ZNF33B: variants seen among roughly 807,000 people sequenced by gnomAD.
ZNF33B encodes the protein zinc finger protein 33B.
ZNF33B carries 29 observed loss-of-function variants against 45.8 expected under a neutral mutation model. The ratio of observed to expected loss-of-function variants is 0.63; its 90% CI spans 0.47 to 0.86. ZNF33B has a LOEUF of 0.86. ZNF33B is among the 40% of genes least tolerant of loss of function. The pLI is 0.00. For synonymous variants in ZNF33B, 305 were observed against 307.8 expected (o/e 0.99, Z 0.10); for missense variants, 831 against 909.9 (o/e 0.91, Z 1.12).
intron 4 of ZNF33B, among the ~76,000 whole-genome samples, chr10:42,618,255 C>A (rs1432847433): frequency 1.2e-4 from 18 of 152,180 alleles, no homozygotes; most frequent in Admixed American, 5.9e-4. Context: ...TGAGATTCAT[C>A]CATAATGTTA....
rs1424230674 is a variant in ZNF33B, at chr10:42,594,607, T to A, written c.343A>T (p.Thr115Ser). ...EVVFINNEML[T>S]KEQGNVIGIP... ...CCTATTACATTACCTTGTTCCTTAGTCAGCATTTCATTATTGATGAATACA... is the reference window on the plus strand; with the variant it reads ...CCTATTACATTACCTTGTTCCTTAGACAGCATTTCATTATTGATGAATACA... The change falls in exon 5 of 5, where the codon ACT becomes TCT. Residue 115 changes from threonine (T) to serine (S), a missense_variant. Physicochemically the swap from Thr to Ser is moderately conservative, Grantham distance 58. Coordinates refer to ENST00000359467, the MANE Select transcript of ZNF33B (RefSeq NM_006955.3). The A allele has an allele frequency of 6.2e-7, 1 of 1,610,856 alleles. No individual in the cohort carries two copies. Among genetic ancestry groups the A allele is most frequent in the Non-Finnish European group, 8.5e-7 (1 of 1,179,146 alleles).
chr10:42,630,176 A>AT (rs1000550985), intron 4 of ZNF33B, among the ~76,000 whole-genome samples: 62 of 152,200 alleles, frequency 4.1e-4, no homozygotes, highest in African/African-American at 1.5e-3. Flanking sequence ...TGCTAGCAAC[A>AT]TTTTCTCTTA....
At chr10:42,636,814 C>T in intron 2 of ZNF33B, 106 bp downstream of exon 2, 2 of 1,509,238 alleles carry the variant, frequency 1.3e-6, no homozygotes, top group Non-Finnish European at 1.8e-6. Context: ...GGCGACAGAG[C>T]GAGACTCCAT....
chr10:42,594,412 T>C lies in ZNF33B; in HGVS notation c.538A>G (p.Ile180Val). The C allele has an allele frequency of 1.9e-6, 3 of 1,613,854 alleles. No homozygotes were observed. The highest frequency in any genetic ancestry group is 1.7e-6 in the Non-Finnish European group (2 of 1,179,824). Residue 180 changes from isoleucine (I) to valine (V), a missense_variant, in exon 5 of 5, where the codon ATT becomes GTT. Transcript: ENST00000359467. ...FNACGKLLLNIKHDETHTREK... is the reference protein window; with the variant it reads ...FNACGKLLLNVKHDETHTREK... ...CGAGTATGAGTTTCATCATGCTTAA[T>C]ATTGAGTAACAATTTCCCACATGCA...
chr10:42,623,006 G>A (rs1206339677), intron 4 of ZNF33B, among the ~76,000 whole-genome samples: 1 of 152,214 alleles, frequency 6.6e-6, no homozygotes, highest in Non-Finnish European at 1.5e-5. Context: ...GGTGGCTCAC[G>A]CCTGTAATCC....
At chr10:42,620,786 G>C (rs1222742480) in intron 4 of ZNF33B, among the ~76,000 whole-genome samples, 1 of 151,930 alleles carries the variant, frequency 6.6e-6, no homozygotes, top group African/African-American at 2.4e-5. Context: ...AAACTGAAAG[G>C]CTGATAAAAG....
intron 4 of ZNF33B, among the ~76,000 whole-genome samples, chr10:42,617,991 C>A: frequency 6.6e-6 from 1 of 152,280 alleles, no homozygotes; most frequent in South Asian, 2.1e-4. Flanking sequence ...ACCCCAAATT[C>A]CTAATGACAA....
At chr10:42,594,796 G>A in intron 4 of ZNF33B, 97 bp from the exon 5 acceptor site, 1 of 1,344,716 alleles carries the variant, frequency 7.4e-7, no homozygotes, top group South Asian at 1.9e-5. Flanking sequence ...AGCTGACTCT[G>A]GTTTTTTGGC....
intron 4 of ZNF33B, among the ~76,000 whole-genome samples, chr10:42,603,888 G>A (rs1201627578): frequency 6.6e-6 from 1 of 152,146 alleles, no homozygotes; most frequent in Non-Finnish European, 1.5e-5. Flanking sequence ...AGAACCCAAT[G>A]GGAGTGAAAA....
Position 42,591,132 on chromosome 10 carries a change from C to CCT in ZNF33B, c.*1479_*1480dup, listed in dbSNP as rs1837104268. On this transcript the variant is annotated 3_prime_UTR_variant, in exon 5 of 5. Coordinates refer to ENST00000359467, the MANE Select transcript of ZNF33B (RefSeq NM_006955.3). ...CTGGCTCTTCTCCAGCCTCAACCCT[C>CCT]CTCTTCATATTCTCAAAAGTCTCTG... The CCT allele has an allele frequency of 2.8e-6, 1 of 357,548 alleles. No individual in the cohort carries two copies. Among genetic ancestry groups the CCT allele is most frequent in the Non-Finnish European group, 3.9e-6 (1 of 256,250 alleles). The allele number at this position is 357,548 out of a possible 1,614,324, so 22.1% of individuals were successfully genotyped here.
At chr10:42,635,758 C>A (rs1396245593) in intron 2 of ZNF33B, among the ~76,000 whole-genome samples, 2 of 147,718 alleles carry the variant, frequency 1.4e-5, no homozygotes, top group African/African-American at 5.1e-5. Context: ...TGCAGTGAGC[C>A]GAGATTGCAT....
At chr10:42,616,427 G>C (rs1838318561) in intron 4 of ZNF33B, among the ~76,000 whole-genome samples, 2 of 151,934 alleles carry the variant, frequency 1.3e-5, no homozygotes, top group South Asian at 2.1e-4. Flanking sequence ...TGTTCTTACA[G>C]CCAACCACCT....
intron 1 of ZNF33B, among the ~76,000 whole-genome samples, chr10:42,580,486 C>T (rs1472732097): frequency 3.3e-5 from 5 of 151,674 alleles, no homozygotes; most frequent in Admixed American, 6.6e-5. Context: ...GATCCCCCCA[C>T]CTTGGCCTCC....
At chr10:42,601,747 C>T (rs1051998043) in intron 4 of ZNF33B, among the ~76,000 whole-genome samples, 2 of 152,030 alleles carry the variant, frequency 1.3e-5, no homozygotes, top group Non-Finnish European at 2.9e-5. Flanking sequence ...GCTGGGATTA[C>T]AGGCATGAGC....
intron 1 of ZNF33B, among the ~76,000 whole-genome samples, chr10:42,577,747 A>G (rs186372909): frequency 0.02 from 2,984 of 152,274 alleles, 89 homozygotes; most frequent in African/African-American, 0.068. Context: ...TGGCAAGTGG[A>G]TTCAGGGCTG....
intron 4 of ZNF33B, among the ~76,000 whole-genome samples, chr10:42,595,422 CAG>C (rs992822694): frequency 3.3e-5 from 5 of 152,014 alleles, no homozygotes; most frequent in African/African-American, 1.2e-4. Flanking sequence ...GTAAAGAGGA[CAG>C]AGTAATCACA....
At position 42,611,919 on chromosome 10, in the gene ZNF33B, C is replaced by A. The variant is rs138796303; in HGVS notation, c.251-17220G>T. On this transcript the variant is annotated intron_variant, in intron 4 of 4. Transcript: ENST00000359467. Reference sequence around the variant, plus strand: ...CACAGAAAGTTTTATTTCTTCCTTTCCCATCTGTATGCCTCTTATTTTGTT... The same window carrying A: ...CACAGAAAGTTTTATTTCTTCCTTTACCATCTGTATGCCTCTTATTTTGTT... 5.1e-3 allele frequency among the ~76,000 whole-genome samples: 779 copies of A among 152,308 alleles called. 5 individuals carry two copies. Among genetic ancestry groups the A allele is most frequent in the African/African-American group, 0.017 (697 of 41,558 alleles).
At chr10:42,579,316 G>C (rs966391665) in intron 1 of ZNF33B, among the ~76,000 whole-genome samples, 2 of 152,152 alleles carry the variant, frequency 1.3e-5, no homozygotes, top group African/African-American at 4.8e-5. Context: ...TTCATGTAGT[G>C]AGCATAGAGC....
intron 4 of ZNF33B, among the ~76,000 whole-genome samples, chr10:42,611,083 G>A (rs1313906006): frequency 5.3e-5 from 8 of 152,090 alleles, no homozygotes; most frequent in Non-Finnish European, 1.0e-4. Flanking sequence ...GGTAGCTCAC[G>A]CCTGTAATCC....
Sources: allele counts gnomAD v4.1 joint callset (sites outside exome capture counted in the v4.1 genomes callset), GRCh38; gene constraint gnomAD v4.1.1; transcripts MANE v1.5; gene names NCBI Gene and HGNC (gene_info 2026-07-23, HGNC 2026-07-21).